Variants in PTK2 observed in about 807,000 individuals in gnomAD.
PTK2 encodes the protein protein tyrosine kinase 2.
PTK2 carries 45 observed loss-of-function variants against 150.1 expected under a neutral mutation model. The observed-to-expected ratio is 0.30, with a 90% CI of 0.24 to 0.38. The LOEUF (loss-of-function observed/expected upper bound fraction) is 0.38, where lower values mean the gene tolerates loss of function less well. PTK2 is among the 10% of genes least tolerant of loss of function. The pLI is 1.00. For synonymous variants in PTK2, 432 were observed against 449.2 expected (o/e 0.96, Z 0.48); for missense variants, 919 against 1,307.3 (o/e 0.70, Z 4.58).
chr8:140,960,910 G>C (rs554221696), intron 1 of PTK2, among the ~76,000 whole-genome samples: 14 of 152,274 alleles, frequency 9.2e-5, no homozygotes, highest in African/African-American at 3.4e-4. Context: ...AACCTGGGAG[G>C]CGGAGGTTGC....
At chr8:140,775,786 A>C (rs1017333065) in intron 14 of PTK2, among the ~76,000 whole-genome samples, 2 of 152,178 alleles carry the variant, frequency 1.3e-5, no homozygotes, top group Non-Finnish European at 2.9e-5. Flanking sequence ...AAAACAAGCT[A>C]AGTTGAAAAG....
At chr8:140,923,161 G>C (rs1194834029) in intron 2 of PTK2, among the ~76,000 whole-genome samples, 4 of 152,122 alleles carry the variant, frequency 2.6e-5, no homozygotes, top group Non-Finnish European at 5.9e-5. Flanking sequence ...TGAGAGTATA[G>C]GAAGATGTTA....
At chr8:140,870,303 C>T (rs1422923181) in intron 4 of PTK2, among the ~76,000 whole-genome samples, 1 of 152,026 alleles carries the variant, frequency 6.6e-6, no homozygotes, top group Non-Finnish European at 1.5e-5. Flanking sequence ...AATCTTGAAA[C>T]AAATATCAAA....
intron 22 of PTK2, chr8:140,734,847 C>G: frequency 2.1e-6 from 1 of 479,400 alleles, no homozygotes; most frequent in Non-Finnish European, 4.1e-6. Context: ...GGAGTGAAGA[C>G]AGCATGTGAA....
chr8:140,943,147 G>GC (rs2100176437), intron 1 of PTK2, among the ~76,000 whole-genome samples: 1 of 152,032 alleles, frequency 6.6e-6, no homozygotes, highest in Non-Finnish European at 1.5e-5. Flanking sequence ...TTATACCAAC[G>GC]CAAGAACAGC....
At chr8:140,942,692 T>C (rs930710410) in intron 1 of PTK2, among the ~76,000 whole-genome samples, 1 of 152,146 alleles carries the variant, frequency 6.6e-6, no homozygotes, top group African/African-American at 2.4e-5. Flanking sequence ...TCTGTTTGCA[T>C]ATAAGTCACT....
chr8:140,898,347 T>C (rs757370507), intron 2 of PTK2, among the ~76,000 whole-genome samples: 12 of 152,226 alleles, frequency 7.9e-5, no homozygotes, highest in Non-Finnish European at 1.6e-4. Flanking sequence ...GACTACACTT[T>C]ACTGAGTCCT....
chr8:140,881,809 T>C (rs992456340), intron 3 of PTK2, among the ~76,000 whole-genome samples: 9 of 152,156 alleles, frequency 5.9e-5, no homozygotes, highest in African/African-American at 1.4e-4. Flanking sequence ...AGCAAACCAG[T>C]CTCAAAGAGG....
At chr8:140,722,751 G>A (rs2100043701) in intron 22 of PTK2, among the ~76,000 whole-genome samples, 1 of 152,060 alleles carries the variant, frequency 6.6e-6, no homozygotes, top group African/African-American at 2.4e-5. Flanking sequence ...CACACCCTCA[G>A]TCAGAGTTTG....
intron 22 of PTK2, chr8:140,732,678 G>C (rs766930249): frequency 1.1e-5 from 5 of 443,476 alleles, no homozygotes; most frequent in Non-Finnish European, 2.3e-5. Context: ...CTTTGCCCCA[G>C]TGACTAGCAC....
At chr8:140,701,972 A>G (rs1431497135) in intron 25 of PTK2, among the ~76,000 whole-genome samples, 4 of 151,610 alleles carry the variant, frequency 2.6e-5, no homozygotes, top group Non-Finnish European at 5.9e-5. Flanking sequence ...ACTAAAAAAT[A>G]CAAAAATTAA....
intron 10 of PTK2, among the ~76,000 whole-genome samples, chr8:140,815,228 A>C (rs968374812): frequency 6.6e-6 from 1 of 152,162 alleles, no homozygotes; most frequent in Non-Finnish European, 1.5e-5. Flanking sequence ...GCAGCCAAAA[A>C]AAAAAAAGAA....
chr8:140,659,821 C>T, intron 31 of PTK2, 143 bp from the exon 36 acceptor site: 1 of 715,968 alleles, frequency 1.4e-6, no homozygotes, highest in Non-Finnish European at 2.3e-6. Flanking sequence ...TTCCCACTAG[C>T]TGGGAACACA....
intron 1 of PTK2, among the ~76,000 whole-genome samples, chr8:140,942,623 C>T (rs566165943): frequency 1.1e-3 from 64 of 57,790 alleles, no homozygotes; most frequent in African/African-American, 2.1e-3. Flanking sequence ...CTAATGAGTG[C>T]GTGCGTGTGT....
intron 23 of PTK2, among the ~76,000 whole-genome samples, chr8:140,710,270 C>T (rs1591575061): frequency 6.7e-6 from 1 of 148,316 alleles, no homozygotes; most frequent in South Asian, 2.1e-4. Flanking sequence ...GTGGAGGTTG[C>T]AGTGACCTGA....
intron 24 of PTK2, 48 bp from the exon 28 acceptor site, chr8:140,702,755 A>G (rs1287850718): frequency 1.3e-6 from 2 of 1,587,654 alleles, no homozygotes; most frequent in Non-Finnish European, 1.7e-6. Context: ...TAACATCTGC[A>G]CAGTTCTGCT....
At chr8:140,897,677 A>G (rs558181700) in intron 2 of PTK2, among the ~76,000 whole-genome samples, 1 of 152,318 alleles carries the variant, frequency 6.6e-6, no homozygotes, top group South Asian at 2.1e-4. Flanking sequence ...ACAAGTCCCA[A>G]GAGTTGCTTT....
intron 16 of PTK2, among the ~76,000 whole-genome samples, chr8:140,756,549 T>C (rs921368066): frequency 1.7e-4 from 26 of 150,170 alleles, no homozygotes; most frequent in Non-Finnish European, 3.4e-4. Context: ...AATACAAAAT[T>C]AGCCGGGTGT....
At chr8:140,709,787 G>A (rs1008119500) in intron 23 of PTK2, among the ~76,000 whole-genome samples, 4 of 152,148 alleles carry the variant, frequency 2.6e-5, no homozygotes, top group African/African-American at 9.7e-5. Flanking sequence ...ATGGAACAGG[G>A]AAGTTTTGCT....
Sources: allele counts gnomAD v4.1 joint callset (sites outside exome capture counted in the v4.1 genomes callset), GRCh38; gene constraint gnomAD v4.1.1; transcripts MANE v1.5; gene names NCBI Gene and HGNC (gene_info 2026-07-23, HGNC 2026-07-21).